COL5A1: variants seen among roughly 807,000 people sequenced by gnomAD.
COL5A1 encodes collagen type V alpha 1 chain.
COL5A1 carries 16 observed loss-of-function variants against 263.7 expected under a neutral mutation model. The observed-to-expected ratio is 0.06, with a 90% confidence interval of 0.04 to 0.09. COL5A1 has a LOEUF of 0.09. Ranked by LOEUF, COL5A1 falls within the 10% of genes least tolerant of loss-of-function variation. The pLI, the probability that COL5A1 is intolerant of heterozygous loss-of-function variation, is 1.00. For synonymous variants in COL5A1, 1,012 were observed against 1,004.5 expected (o/e 1.01, Z -0.14); for missense variants, 2,036 against 2,540.5 (o/e 0.80, Z 4.27).
rs1452236565 is a variant in COL5A1, at chr9:134,710,665, G to A, written c.654+9332G>A. Among the ~76,000 whole-genome samples the A allele has an allele frequency of 5.8e-3, 656 of 112,500 alleles. 23 individuals carry two copies. Among genetic ancestry groups the A allele is most frequent in the Admixed American group, 0.031 (288 of 9,158 alleles). The allele number at this position is 112,500 out of a possible 152,430, so 73.8% of individuals were successfully genotyped here. On this transcript the variant is annotated intron_variant, in intron 4 of 65. Transcript: ENST00000371817. ...GTGCAGTGGTGGGGGAGGAGCCCCCGTCTGTTGGGTGCAGTGGTGGGGAAG... is the reference window on the plus strand; with the variant it reads ...GTGCAGTGGTGGGGGAGGAGCCCCCATCTGTTGGGTGCAGTGGTGGGGAAG...
chr9:134,738,808 G>A lies in COL5A1; in HGVS notation c.1494G>A (p.Arg498=). 2 of 1,613,026 alleles carry A rather than the reference G, an allele frequency of 1.2e-6. No individual in the cohort carries two copies. Among genetic ancestry groups the A allele is most frequent in the Non-Finnish European group, 1.7e-6 (2 of 1,179,080 alleles). The change falls in exon 11 of 66, where the codon AGG becomes AGA. Residue 498 remains arginine, a splice_region_variant and synonymous_variant. Coordinates refer to ENST00000371817, the MANE Select transcript of COL5A1 (RefSeq NM_000093.5). ...GCCAAGTCGGGGACCCTGGAGAAAG[G>A]GTAAGAGGTTGACTGTGTTTCCTGA... ...PTGQVGDPGE[R]GPPGRPGLPG...
chr9:134,643,010 T>G (rs552571877), intron 1 of COL5A1, among the ~76,000 whole-genome samples: 2 of 152,318 alleles, frequency 1.3e-5, no homozygotes, highest in East Asian at 3.9e-4. Context: ...AGAGATGGGC[T>G]TGCAGGCGGG....
intron 61 of COL5A1, 106 bp downstream of exon 61, chr9:134,823,575 C>T (rs1839116809): frequency 8.2e-7 from 1 of 1,220,560 alleles, no homozygotes; most frequent in East Asian, 2.3e-5. Context: ...ACTCATGAAG[C>T]CCATGTGGCA....
chr9:134,816,920 G>C, intron 52 of COL5A1, 106 bp from the exon 53 acceptor site: 1 of 1,026,674 alleles, frequency 9.7e-7, no homozygotes, highest in Non-Finnish European at 1.5e-6. Context: ...AGAGGCGGCC[G>C]CAGGGCTGGC....
rs753635328 is a variant in COL5A1, at chr9:134,756,831, C to T, written c.1881+13C>T. The T allele has an allele frequency of 4.3e-5, 70 of 1,613,174 alleles. No individual in the cohort carries two copies. Among genetic ancestry groups the T allele is most frequent in the Non-Finnish European group, 5.0e-5 (59 of 1,179,368 alleles). On this transcript the variant is annotated intron_variant, in intron 17 of 65. Transcript: ENST00000371817. ...AACTGGCCCCAAGGTAGGTCACCCA[C>T]CACCCTCCTGGTGCCCTGGCATCAC... is the stretch of plus-strand genomic sequence containing the variant.
rs1831955040 is a variant in COL5A1 at position 134,655,875 on chromosome 9, C to T, written c.109+13579C>T. ...TGCAGCAGGGCTCCCCTGTCCTGCC[C>T]TCCTTGAATGTCCTGGCACAGAGGG... On this transcript the variant is annotated intron_variant, in intron 1 of 65. Coordinates refer to ENST00000371817, the MANE Select transcript of COL5A1 (RefSeq NM_000093.5). 1.3e-5 allele frequency among the ~76,000 whole-genome samples: 2 copies of T among 152,206 alleles called. 1 individual carries two copies. Among genetic ancestry groups the T allele is most frequent in the African/African-American group, 4.8e-5 (2 of 41,446 alleles).
rs1184991995 is a variant in COL5A1 at position 134,765,301 on chromosome 9, G to C, written c.2035-380G>C. 2.6e-5 allele frequency among the ~76,000 whole-genome samples: 4 copies of C among 152,194 alleles called. No individual in the cohort carries two copies. Among genetic ancestry groups the C allele is most frequent in the Admixed American group, 2.6e-4 (4 of 15,288 alleles). On this transcript the variant is annotated intron_variant, in intron 20 of 65. Coordinates refer to ENST00000371817, the MANE Select transcript of COL5A1 (RefSeq NM_000093.5). This position sits in a 1 kb window ranked among gnomAD's most constrained non-coding sequence, Gnocchi z 5.1. ...AATTCAGGAGCGAGCCGGTAATGAG[G>C]ATAGGGCACAAGGGCTCCGTGCAGT...
chr9:134,792,228 C>T lies in COL5A1; in HGVS notation c.2701-2854C>T, dbSNP rs1467076334. 3.3e-5 allele frequency among the ~76,000 whole-genome samples: 5 copies of T among 152,110 alleles called. 1 individual carries two copies. Among genetic ancestry groups the T allele is most frequent in the Admixed American group, 2.0e-4 (3 of 15,288 alleles). On this transcript the variant is annotated intron_variant, in intron 32 of 65. Transcript: ENST00000371817. ...CTTTATCCTGAGGCACTGGGACCTA[C>T]GGAAGGTTTTAGCCAGGGGGAATGG... is the stretch of plus-strand genomic sequence containing the variant.
At chr9:134,771,399 G>A (rs868015870) in intron 25 of COL5A1, among the ~76,000 whole-genome samples, 1 of 152,234 alleles carries the variant, frequency 6.6e-6, no homozygotes, top group Non-Finnish European at 1.5e-5. Context: ...GGAAGGCGGC[G>A]TGGTGGCCAA....
Position 134,646,737 on chromosome 9 carries a change from G to T in COL5A1, c.109+4441G>T, listed in dbSNP as rs117385824. On this transcript the variant is annotated intron_variant, in intron 1 of 65. Transcript: ENST00000371817. The stretch of plus-strand genomic sequence containing the variant: ...CACAGCTGTGGATTAGGATGTGGGG[G>T]CCTCTGGGGGTGATTTTGGGTACCT... Among the ~76,000 whole-genome samples, 1,048 of 152,266 alleles carry T rather than the reference G, an allele frequency of 6.9e-3. 4 individuals carry two copies. Among genetic ancestry groups the T allele is most frequent in the Middle Eastern group, 0.02 (6 of 294 alleles).
At position 134,824,153 on chromosome 9, in the gene COL5A1, G is replaced by A. The variant is rs181351963; in HGVS notation, c.4699-447G>A. On this transcript the variant is annotated intron_variant, in intron 61 of 65. Transcript: ENST00000371817. ...TTGTGGAGTCTCTCCAACTCCCATC[G>A]TCATCTTAGCTGTGGCCTTCTGGAA... is the stretch of plus-strand genomic sequence containing the variant. 4.3e-4 allele frequency among the ~76,000 whole-genome samples: 65 copies of A among 152,262 alleles called. No individual in the cohort carries two copies. The South Asian group carries it at 7.1e-3, about 17-fold the overall frequency.
intron 35 of COL5A1, 45 bp from the exon 36 acceptor site, chr9:134,796,803 C>A (rs774772951): frequency 3.2e-6 from 5 of 1,584,904 alleles, no homozygotes; most frequent in Admixed American, 3.3e-5. Context: ...AGGAGCTGCT[C>A]GGGAGAGACC....
In COL5A1 at chr9:134,741,357, T is replaced by C. The variant is rs76169092; in HGVS notation, c.1494+2549T>C. Among the ~76,000 whole-genome samples the C allele has an allele frequency of 0.012, 1,755 of 152,228 alleles. 31 individuals are homozygous for C. The highest frequency in any genetic ancestry group is 0.04 in the African/African-American group (1,656 of 41,530). On this transcript the variant is annotated intron_variant, in intron 11 of 65. Transcript: ENST00000371817. The surrounding 1 kb of genome is among the most constrained non-coding windows in gnomAD (Gnocchi z 4.5). Reference sequence around the variant, plus strand: ...AAGAAGTAAAAACCAAAAAAAGTGCTTGGGTTCGGGAGCATATATACCATT... The same window carrying C: ...AAGAAGTAAAAACCAAAAAAAGTGCCTGGGTTCGGGAGCATATATACCATT...
chr9:134,796,274 C>A, intron 34 of COL5A1, 100 bp from the exon 35 acceptor site: 1 of 1,307,174 alleles, frequency 7.7e-7, no homozygotes, highest in Non-Finnish European at 1.1e-6. Context: ...TGCACACAGG[C>A]AATATTTGAC....
rs759246946 is a variant in COL5A1, at chr9:134,834,962, TC to T, written c.5137-3del. The T allele has an allele frequency of 6.2e-7, 1 of 1,604,646 alleles. No homozygotes were observed. Among genetic ancestry groups the T allele is most frequent in the South Asian group, 1.1e-5 (1 of 90,594 alleles). On this transcript the variant is annotated splice_polypyrimidine_tract_variant and splice_region_variant and intron_variant, in intron 64 of 65. Transcript: ENST00000371817. ...ACCCTGCTGAGCCCCAACACCCCTGTCCCCCCAGCTCTCCTATGTGGACGCC... is the reference window on the plus strand; with the variant it reads ...ACCCTGCTGAGCCCCAACACCCCTGTCCCCCAGCTCTCCTATGTGGACGCC...
chr9:134,679,094 T>C (rs1704294377), intron 1 of COL5A1, among the ~76,000 whole-genome samples: 1 of 152,230 alleles, frequency 6.6e-6, no homozygotes, highest in South Asian at 2.1e-4. Context: ...CTTAAAGTGA[T>C]ACCCTGCCAT....
chr9:134,796,778 A>G lies in COL5A1; in HGVS notation c.2845-70A>G, dbSNP rs3811160. On this transcript the variant is annotated intron_variant, in intron 35 of 65. Coordinates refer to ENST00000371817, the MANE Select transcript of COL5A1 (RefSeq NM_000093.5). ...CCTGCGTTCAGAGAGCCACCGGCAC[A>G]GGCAGGTCAGCGGCAGGAGCTGCTC... is the stretch of plus-strand genomic sequence containing the variant. The G allele has an allele frequency of 0.51, 729,443 of 1,419,986 alleles. 190,684 individuals carry two copies. The highest frequency in any genetic ancestry group is 0.76 in the East Asian group (33,612 of 43,972). The allele number at this position is 1,419,986 out of a possible 1,614,324, so 88.0% of individuals were successfully genotyped here.
Position 134,701,202 on chromosome 9 carries a change from A to C in COL5A1, c.523A>C (p.Lys175Gln), listed in dbSNP as rs781080614. Residue 175 changes from lysine (K) to glutamine (Q), a missense_variant, in exon 4 of 66, where the codon AAA becomes CAA. By Grantham distance (53) the Lys-to-Gln change is moderately conservative. This residue lies in a region of COL5A1 where 600 missense variants were observed against 634.5 expected (regional missense o/e 0.95). Coordinates refer to ENST00000371817, the MANE Select transcript of COL5A1 (RefSeq NM_000093.5). ...WHRIALSVHK[K>Q]NVTLILDCKK... ...CAGAATTGCTCTCAGCGTCCACAAG[A>C]AAAATGTCACCTTGATCCTCGACTG... The C allele has an allele frequency of 1.2e-6, 2 of 1,613,968 alleles. No individual in the cohort carries two copies. Among genetic ancestry groups the C allele is most frequent in the Admixed American group, 1.7e-5 (1 of 60,016 alleles).
At chr9:134,747,785 A>T (rs973459813) in intron 11 of COL5A1, among the ~76,000 whole-genome samples, 2 of 151,954 alleles carry the variant, frequency 1.3e-5, no homozygotes, top group Admixed American at 6.5e-5. Context: ...ACATGCACAC[A>T]TGCATTCATA....
Sources: gnomAD v4.1 joint callset for allele counts (sites outside exome capture counted in the v4.1 genomes callset) on GRCh38, gnomAD v4.1.1 for gene constraint, gnomAD v4.1.1 regional missense constraint, Gnocchi (gnomAD v3.1) non-coding constraint, MANE v1.5 for transcripts, NCBI Gene and HGNC (gene_info 2026-07-23, HGNC 2026-07-21) for gene names.